The following TMC8 variants were observed in gnomAD, a reference collection of about 807,000 sequenced individuals.
TMC8 encodes transmembrane channel like 8, also known as transmembrane channel-like protein 8.
TMC8 carries 71 observed loss-of-function variants against 76.0 expected under a neutral mutation model. The observed-to-expected ratio is 0.93, with a 90% CI of 0.77 to 1.14. The LOEUF (loss-of-function observed/expected upper bound fraction) is 1.14. TMC8 is among the 50% of genes most tolerant of loss of function. The probability of loss-of-function intolerance (pLI) is 0.00; values close to 1 mark genes in which losing one functional copy is unlikely to be tolerated. For missense variants in TMC8, 924 were observed against 947.9 expected, an observed-to-expected ratio of 0.97 and a Z score of 0.33; for synonymous variants, 433 against 433.8, an observed-to-expected ratio of 1.00 and a Z score of 0.02.
rs529970256 is a variant in TMC8 at position 78,137,432 on chromosome 17, C to T, written c.1251+74C>T. The T allele has an allele frequency of 8.1e-6, 13 of 1,608,246 alleles. No homozygotes were observed. The South Asian group carries it at 1.3e-4, about 16-fold the overall frequency. ...AAGCTCACCTCAAACTGTGCAGAGC[C>T]CTGTTCCTGCCCCTTTAGTCACCTT... On this transcript the variant is annotated intron_variant, in intron 10 of 15. Coordinates refer to ENST00000318430, the MANE Select transcript of TMC8 (RefSeq NM_152468.5).
chr17:78,133,985 C>A lies in TMC8; in HGVS notation c.801C>A (p.Ile267=). Residue 267 remains isoleucine, a synonymous_variant, in exon 7 of 16, where the codon ATC becomes ATA. Coordinates refer to ENST00000318430, the MANE Select transcript of TMC8 (RefSeq NM_152468.5). ...CAGCCACCATCAAGAAGCATGAGAT[C>A]AGCAACGAGTTCAAGGTGTGTGCAC... ...QEAATIKKHE[I]SNEFKVELEE... 1 of 1,613,780 alleles carries A rather than the reference C, an allele frequency of 6.2e-7. No homozygotes were observed. The highest frequency in any genetic ancestry group is 8.5e-7 in the Non-Finnish European group (1 of 1,180,044).
Position 78,140,764 on chromosome 17 carries a change from C to T in TMC8, c.1903-70C>T. Reference sequence around the variant, plus strand: ...TGGCCCATGGGCCGCAGAGTTGCTGCCGCTGCTGTCCTCACACCCGCTCGT... The same window carrying T: ...TGGCCCATGGGCCGCAGAGTTGCTGTCGCTGCTGTCCTCACACCCGCTCGT... On this transcript the variant is annotated intron_variant, in intron 15 of 15. Transcript: ENST00000318430. 8.4e-6 allele frequency: 13 copies of T among 1,549,822 alleles called. No individual in the cohort carries two copies. In the South Asian group the frequency reaches 1.4e-4, roughly 17 times the overall value.
Position 78,131,872 on chromosome 17 carries a change from C to A in TMC8, c.150-10C>A. 6.9e-7 allele frequency: 1 copy of A among 1,459,190 alleles called. No individual in the cohort carries two copies. The highest frequency in any genetic ancestry group is 1.4e-5 in the South Asian group (1 of 71,592). 90.4% of individuals were successfully genotyped at this position (1,459,190 alleles called of 1,614,324 possible). A position where few individuals can be genotyped will look rare whatever the true frequency, so the allele number is the denominator to read the frequency against. On this transcript the variant is annotated splice_polypyrimidine_tract_variant and intron_variant, in intron 2 of 15. Transcript: ENST00000318430. ...GACTCAGGGGCGCCCCTGTCACCACCCCCGTCCAGGCAGCTGCGGGAGCCC... is the reference window on the plus strand; with the variant it reads ...GACTCAGGGGCGCCCCTGTCACCACACCCGTCCAGGCAGCTGCGGGAGCCC...
intron 6 of TMC8, 88 bp from the exon 7 acceptor site, chr17:78,133,765 G>T: frequency 1.3e-6 from 2 of 1,596,124 alleles, no homozygotes; most frequent in Non-Finnish European, 1.7e-6. Flanking sequence ...GGCTGCAGGG[G>T]CCTTCCCAGA....
chr17:78,137,287 C>A lies in TMC8; in HGVS notation c.1180C>A (p.Gln394Lys), dbSNP rs781595931. 3.7e-6 allele frequency: 6 copies of A among 1,613,884 alleles called. No individual in the cohort carries two copies. The highest frequency in any genetic ancestry group is 1.7e-5 in the Admixed American group (1 of 59,998). The change falls in exon 10 of 16, where the codon CAG becomes AAG. Residue 394 changes from glutamine to lysine, a missense_variant. Transcript: ENST00000318430. ...SLGMFSVSLG[Q>K]TILCIGRDKS... ...GGGGATGTTCTCCGTCTCCCTGGGTCAGACCATACTGTGCATTGGCAGAGA... is the reference window on the plus strand; with the variant it reads ...GGGGATGTTCTCCGTCTCCCTGGGTAAGACCATACTGTGCATTGGCAGAGA...
At position 78,140,843 on chromosome 17, in the gene TMC8, G is replaced by A. The variant is rs373080751; in HGVS notation, c.1912G>A (p.Glu638Lys). The A allele has an allele frequency of 1.2e-6, 2 of 1,608,616 alleles. No individual in the cohort carries two copies. The highest frequency in any genetic ancestry group is 1.7e-6 in the Non-Finnish European group (2 of 1,178,342). The change falls in exon 16 of 16, where the codon GAG becomes AAG. Residue 638 changes from glutamate to lysine, a missense_variant. Glu to Lys is a moderately conservative substitution (Grantham distance 56). Transcript: ENST00000318430. ...LRKQLVWQVQ[E>K]KWHLVEDLSR... ...CTTGTTCTCCTCACAGCAGGTTCAGGAGAAGTGGCACCTGGTGGAGGACCT... is the reference window on the plus strand; with the variant it reads ...CTTGTTCTCCTCACAGCAGGTTCAGAAGAAGTGGCACCTGGTGGAGGACCT...
At chr17:78,131,823 T>C (rs912802407) in intron 2 of TMC8, 59 bp from the exon 3 acceptor site, 239 of 1,499,220 alleles carry the variant, frequency 1.6e-4, no homozygotes, top group Middle Eastern at 7.7e-4. Flanking sequence ...CCCCGTCTGC[T>C]TGGCCCGGGT....
At chr17:78,136,726 G>A (rs1189009901) in intron 9 of TMC8, 2 of 191,982 alleles carry the variant, frequency 1.0e-5, no homozygotes, top group Non-Finnish European at 2.2e-5. Context: ...AGGCATGAGG[G>A]AACATGGCTG....
chr17:78,136,011 G>A (rs1304576165), intron 9 of TMC8, among the ~76,000 whole-genome samples: 3 of 152,108 alleles, frequency 2.0e-5, no homozygotes, highest in African/African-American at 4.8e-5. Context: ...CAGAGATTGC[G>A]CCACTACACT....
At chr17:78,132,616 G>T in intron 4 of TMC8, 108 bp downstream of exon 4, 7 of 1,520,100 alleles carry the variant, frequency 4.6e-6, no homozygotes, top group Non-Finnish European at 5.4e-6. Context: ...GTCCTGCCGT[G>T]CAGGCCCCGG....
chr17:78,132,223 C>T (rs540873445), intron 3 of TMC8, 136 bp from the exon 4 acceptor site: 1 of 1,383,148 alleles, frequency 7.2e-7, no homozygotes, highest in African/African-American at 1.4e-5. Context: ...AGGTGACTGT[C>T]AGCGGTACCT....
chr17:78,133,822 C>G (rs433258), intron 6 of TMC8, 31 bp from the exon 7 acceptor site: 135 of 1,612,234 alleles, frequency 8.4e-5, no homozygotes, highest in Admixed American at 4.2e-4. Flanking sequence ...GGTGCCCCTC[C>G]TCCAGCAGCC....
intron 9 of TMC8, chr17:78,136,848 G>A (rs1484284885): frequency 2.9e-6 from 1 of 341,782 alleles, no homozygotes; most frequent in Non-Finnish European, 5.8e-6. Context: ...GATCACCTGA[G>A]GTCAGGAGTT....
In TMC8 at chr17:78,138,383, G is replaced by A. The variant is rs756911102; in HGVS notation, c.1568G>A (p.Arg523Gln). Reference protein sequence around the residue: ...TLLKNSRASSRPFRASSSTFF... With the variant: ...TLLKNSRASSQPFRASSSTFF... ...CTGAAGAACTCCAGGGCATCTTCGC[G>A]GCCCTTCCGTGCCTCCAGCTCCACC... is the stretch of plus-strand genomic sequence containing the variant. Residue 523 changes from arginine (R) to glutamine (Q), a missense_variant, in exon 13 of 16, where the codon CGG (arginine) becomes CAG (glutamine). Transcript: ENST00000318430. The A allele has an allele frequency of 5.6e-6, 9 of 1,611,596 alleles. No homozygotes were observed. Among genetic ancestry groups the A allele is most frequent in the South Asian group, 1.1e-5 (1 of 91,088 alleles).
chr17:78,138,546 C>G, intron 13 of TMC8, 28 bp from the exon 14 acceptor site: 2 of 1,613,670 alleles, frequency 1.2e-6, no homozygotes, highest in Non-Finnish European at 1.7e-6. Context: ...GACCCTGATG[C>G]CAGCCCCACT....
At chr17:78,132,547 C>T (rs1218727197) in intron 4 of TMC8, 39 bp downstream of exon 4, 1 of 1,590,830 alleles carries the variant, frequency 6.3e-7, no homozygotes, top group East Asian at 2.3e-5. Flanking sequence ...CTCCGGTGCC[C>T]ACCTGCGCCA....
At chr17:78,137,653 G>A (rs1403442673) in intron 10 of TMC8, 64 bp from the exon 11 acceptor site, 7 of 1,442,700 alleles carry the variant, frequency 4.9e-6, no homozygotes, top group Non-Finnish European at 5.8e-6. Flanking sequence ...CTCACAGGAG[G>A]CTAAGGGAAG....
At chr17:78,135,339 C>A (rs547111575) in intron 9 of TMC8, among the ~76,000 whole-genome samples, 14 of 152,148 alleles carry the variant, frequency 9.2e-5, no homozygotes, top group Non-Finnish European at 1.9e-4. Context: ...TTCTACATGC[C>A]GAGGGTTTAC....
chr17:78,140,669 G>A (rs1022808178), intron 15 of TMC8, among the ~76,000 whole-genome samples, 165 bp from the exon 16 acceptor site: 1 of 151,444 alleles, frequency 6.6e-6, no homozygotes, highest in Admixed American at 6.6e-5. Flanking sequence ...GCGTGGCCCT[G>A]GGAGGGTGTG....
Sources: allele counts gnomAD v4.1 joint callset (sites outside exome capture counted in the v4.1 genomes callset), GRCh38; gene constraint gnomAD v4.1.1; transcripts MANE v1.5; gene names NCBI Gene and HGNC (gene_info 2026-07-23, HGNC 2026-07-21).